BANK1: variants seen among roughly 807,000 people sequenced by gnomAD.
BANK1 encodes B-cell scaffold protein with ankyrin repeats.
Under a neutral mutation model 94.5 loss-of-function variants are expected in BANK1, and 95 were observed. That is an observed-to-expected ratio of 1.00 (90% CI 0.85 to 1.19). The LOEUF (loss-of-function observed/expected upper bound fraction) is 1.19, where lower values mean the gene tolerates loss of function less well. Ranked by LOEUF, BANK1 falls within the 50% of genes most tolerant of loss-of-function variation. BANK1 has a pLI of 0.00. For missense variants in BANK1, 987 were observed against 932.2 expected (o/e 1.06, Z -0.77); for synonymous variants, 334 against 308.4 (o/e 1.08, Z -0.87).
chr4:101,928,057 T>A (rs1723221775), intron 7 of BANK1, among the ~76,000 whole-genome samples: 1 of 151,650 alleles, frequency 6.6e-6, no homozygotes, highest in Non-Finnish European at 1.5e-5. Flanking sequence ...GTATGTATAT[T>A]TGTATGTGCA....
chr4:101,999,190 C>T (rs1725977663), intron 7 of BANK1, among the ~76,000 whole-genome samples: 1 of 152,150 alleles, frequency 6.6e-6, no homozygotes, highest in Admixed American at 6.5e-5. Flanking sequence ...ACTGCACACT[C>T]AGTTGAATAC....
chr4:101,956,006 A>T (rs543115793), intron 7 of BANK1, among the ~76,000 whole-genome samples: 1 of 152,364 alleles, frequency 6.6e-6, no homozygotes, highest in African/African-American at 2.4e-5. Context: ...CAACCCAAAA[A>T]GAAAAATAAA....
chr4:101,850,806 T>C (rs944310237), intron 2 of BANK1, among the ~76,000 whole-genome samples: 6 of 152,210 alleles, frequency 3.9e-5, no homozygotes, highest in African/African-American at 1.4e-4. Flanking sequence ...GGTGTTACCA[T>C]TGTGATTGTT....
At chr4:101,951,508 CTG>C (rs932988884) in intron 7 of BANK1, among the ~76,000 whole-genome samples, 36 of 152,186 alleles carry the variant, frequency 2.4e-4, no homozygotes, top group African/African-American at 7.7e-4. Flanking sequence ...TACTTTATAA[CTG>C]CATTGTTATT....
At chr4:102,045,162 T>G (rs955428796) in intron 11 of BANK1, among the ~76,000 whole-genome samples, 5 of 152,148 alleles carry the variant, frequency 3.3e-5, no homozygotes, top group African/African-American at 1.2e-4. Context: ...TTTATGGTTT[T>G]AGGTCTAACG....
intron 3 of BANK1, among the ~76,000 whole-genome samples, chr4:101,860,678 G>C (rs1331766683): frequency 3.9e-5 from 6 of 152,092 alleles, no homozygotes; most frequent in Admixed American, 3.9e-4. Flanking sequence ...TGATCCACCT[G>C]CCTCGGCCGC....
At chr4:101,910,749 T>C (rs1400586568) in intron 6 of BANK1, among the ~76,000 whole-genome samples, 6 of 150,804 alleles carry the variant, frequency 4.0e-5, no homozygotes, top group Non-Finnish European at 7.4e-5. Context: ...TTAGAGTGAC[T>C]GTTCATCTAA....
intron 7 of BANK1, among the ~76,000 whole-genome samples, chr4:101,983,845 A>G (rs894417784): frequency 3.9e-5 from 6 of 152,214 alleles, no homozygotes; most frequent in Admixed American, 3.3e-4. Flanking sequence ...TTAATTTGTC[A>G]AAAAGTAATC....
rs1725058084 is a variant in BANK1 at position 101,974,476 on chromosome 4, AC to A, written c.1207-47037del. On this transcript the variant is annotated intron_variant, in intron 7 of 16. Transcript: ENST00000322953. ...CAGTGCAAGTTTATCTCATGTCATC[AC>A]TAGCTTCTTAGATTGAAAGTAAGAT... Among the ~76,000 whole-genome samples the A allele has an allele frequency of 2.6e-5, 4 of 152,294 alleles. No individual in the cohort carries two copies. In the South Asian group the frequency reaches 8.3e-4, roughly 32 times the overall value.
At chr4:101,935,228 A>T (rs181194702) in intron 7 of BANK1, among the ~76,000 whole-genome samples, 1 of 151,688 alleles carries the variant, frequency 6.6e-6, no homozygotes, top group African/African-American at 2.4e-5. Flanking sequence ...AGTAAAACTG[A>T]ACACTCACAC....
intron 7 of BANK1, among the ~76,000 whole-genome samples, chr4:101,945,476 G>T (rs909909343): frequency 2.6e-5 from 4 of 151,902 alleles, no homozygotes; most frequent in African/African-American, 4.8e-5. Flanking sequence ...TACAGATAAA[G>T]CTCACATCTT....
At chr4:101,904,272 T>G (rs765574858) in intron 6 of BANK1, among the ~76,000 whole-genome samples, 5 of 152,258 alleles carry the variant, frequency 3.3e-5, no homozygotes, top group Non-Finnish European at 7.3e-5. Flanking sequence ...ATAGGTTGTA[T>G]GACTGAATTG....
intron 7 of BANK1, among the ~76,000 whole-genome samples, chr4:102,015,126 T>G (rs1235596475): frequency 6.6e-6 from 1 of 152,118 alleles, no homozygotes; most frequent in Non-Finnish European, 1.5e-5. Flanking sequence ...GTGTATTGTT[T>G]AGGAGTGTCT....
At chr4:102,025,538 C>G (rs1377426101) in intron 9 of BANK1, 29 bp downstream of exon 9, 1 of 1,597,826 alleles carries the variant, frequency 6.3e-7, no homozygotes, top group African/African-American at 1.3e-5. Flanking sequence ...AAAAACAAAA[C>G]AAAACAAAGA....
At chr4:101,918,715 C>A (rs114372783) in intron 7 of BANK1, among the ~76,000 whole-genome samples, 1,801 of 152,012 alleles carry the variant, frequency 0.012, 35 homozygotes, top group African/African-American at 0.041. Flanking sequence ...AATGATTATG[C>A]TGATAAATTA....
At chr4:101,927,018 G>A (rs186715288) in intron 7 of BANK1, among the ~76,000 whole-genome samples, 388 of 151,824 alleles carry the variant, frequency 2.6e-3, no homozygotes, top group Non-Finnish European at 4.6e-3. Flanking sequence ...TGGTATTTTG[G>A]AGAAAGGCAT....
intron 13 of BANK1, among the ~76,000 whole-genome samples, chr4:102,069,459 T>C (rs1241339916): frequency 6.6e-6 from 1 of 152,222 alleles, no homozygotes; most frequent in African/African-American, 2.4e-5. Context: ...TGAATTACCA[T>C]TTGAGAAGAC....
intron 2 of BANK1, among the ~76,000 whole-genome samples, chr4:101,841,481 C>T (rs1015135525): frequency 6.6e-6 from 1 of 151,730 alleles, no homozygotes; most frequent in African/African-American, 2.4e-5. Flanking sequence ...TCATATGGCC[C>T]AGAGATGATA....
chr4:101,918,225 C>A, intron 7 of BANK1, 36 bp downstream of exon 7: 1 of 1,411,980 alleles, frequency 7.1e-7, no homozygotes, highest in South Asian at 1.5e-5. Context: ...TCTGTATATT[C>A]TGTTTGATAT....
Sources: allele counts gnomAD v4.1 joint callset (sites outside exome capture counted in the v4.1 genomes callset), GRCh38; gene constraint gnomAD v4.1.1; transcripts MANE v1.5; gene names NCBI Gene and HGNC (gene_info 2026-07-23, HGNC 2026-07-21).